Variants in ANTXR1 observed in about 807,000 individuals in gnomAD.
The protein encoded by ANTXR1 is anthrax toxin receptor 1.
Under a neutral mutation model 78.1 loss-of-function variants are expected in ANTXR1, and 19 were observed. The ratio of observed to expected loss-of-function variants is 0.24; its 90% confidence interval spans 0.17 to 0.36. ANTXR1 has a LOEUF of 0.36. Among genes scored for constraint, ANTXR1 ranks in the 10% least tolerant of loss-of-function variants. The pLI is 1.00. For missense variants in ANTXR1, 518 were observed against 718.6 expected (o/e 0.72, Z 3.19); for synonymous variants, 273 against 260.5 (o/e 1.05, Z -0.46).
chr2:69,211,425 G>C (rs1217646459), intron 17 of ANTXR1, among the ~76,000 whole-genome samples: 2 of 152,032 alleles, frequency 1.3e-5, no homozygotes, highest in East Asian at 1.9e-4. Context: ...ATCTCTCTCT[G>C]ACATAAGGGA....
chr2:69,087,348 G>T (rs1165479282), intron 8 of ANTXR1, among the ~76,000 whole-genome samples: 2 of 152,140 alleles, frequency 1.3e-5, no homozygotes, highest in African/African-American at 4.8e-5. Flanking sequence ...AGATACTATT[G>T]TTATCCCACT....
rs1207499506 is a variant in ANTXR1, at chr2:69,245,295, A to G, written c.1505A>G (p.His502Arg). The G allele has an allele frequency of 3.1e-6, 5 of 1,610,022 alleles. No individual in the cohort carries two copies. In the South Asian group the frequency reaches 5.5e-5, roughly 18 times the overall value. ...PAKYPLNNAYHTSSPPPAPIY... is the reference protein window; with the variant it reads ...PAKYPLNNAYRTSSPPPAPIY... ...AAGTACCCACTCAACAACGCCTACC[A>G]CACCTCCTCGCCGCCTCCTGCCCCC... Residue 502 changes from histidine to arginine, a missense_variant, in exon 18 of 18, where the codon CAC (histidine) becomes CGC (arginine). Around this residue, in one of 5 missense-constraint regions of ANTXR1, gnomAD observed 192 missense variants for 230.2 expected, o/e 0.83. Transcript: ENST00000303714.
At chr2:69,024,319 A>G (rs758174586) in intron 1 of ANTXR1, among the ~76,000 whole-genome samples, 2 of 152,322 alleles carry the variant, frequency 1.3e-5, no homozygotes, top group South Asian at 4.1e-4. Flanking sequence ...GAGTGTTGTA[A>G]GCCCAAGGGT....
intron 17 of ANTXR1, among the ~76,000 whole-genome samples, chr2:69,239,284 G>A (rs1326083577): frequency 6.6e-6 from 1 of 152,150 alleles, no homozygotes; most frequent in Non-Finnish European, 1.5e-5. Context: ...AAATTTTGAT[G>A]GAGGCCAGGT....
chr2:69,229,785 G>A (rs1675544294), intron 17 of ANTXR1, among the ~76,000 whole-genome samples: 1 of 147,628 alleles, frequency 6.8e-6, no homozygotes, highest in South Asian at 2.2e-4. Flanking sequence ...TAAAGTATTA[G>A]TGAGACCCAT....
chr2:69,236,406 AAAT>A (rs753415349), intron 17 of ANTXR1, among the ~76,000 whole-genome samples: 33 of 152,218 alleles, frequency 2.2e-4, no homozygotes, highest in Non-Finnish European at 4.1e-4. Context: ...TTCATCTCAC[AAAT>A]AATAAGACAG....
chr2:69,118,707 G>A (rs1672238240), intron 10 of ANTXR1, among the ~76,000 whole-genome samples: 1 of 152,200 alleles, frequency 6.6e-6, no homozygotes, highest in South Asian at 2.1e-4. Context: ...GCTGCAGCGA[G>A]GCTGGCACGG....
In ANTXR1 at chr2:69,013,798, G is replaced by C; in HGVS notation, c.152+147G>C. 7.2e-7 allele frequency: 1 copy of C among 1,390,878 alleles called. No individual in the cohort carries two copies. The highest frequency in any genetic ancestry group is 9.9e-7 in the Non-Finnish European group (1 of 1,009,272). The allele number at this position is 1,390,878 out of a possible 1,614,324, so 86.2% of individuals were successfully genotyped here. ...ACCGCGCGGCAGGCGGCGGCGGAGT[G>C]CTGCGCCTTTGTTGGGGCGCGCTCC... On this transcript the variant is annotated intron_variant, in intron 1 of 17. Transcript: ENST00000303714. The surrounding 1 kb of genome is among the most constrained non-coding windows in gnomAD (Gnocchi z 5.0).
intron 9 of ANTXR1, among the ~76,000 whole-genome samples, chr2:69,094,193 A>C (rs1422012451): frequency 6.6e-6 from 1 of 152,214 alleles, no homozygotes; most frequent in Non-Finnish European, 1.5e-5. Flanking sequence ...TAGTTCAAAG[A>C]TATAAGTATT....
intron 12 of ANTXR1, among the ~76,000 whole-genome samples, chr2:69,142,908 T>C (rs1673110291): frequency 1.3e-5 from 2 of 152,140 alleles, no homozygotes; most frequent in African/African-American, 2.4e-5. Flanking sequence ...AGTCCACGAA[T>C]AGATTCCAGG....
At chr2:69,112,116 C>T (rs1358681906) in intron 10 of ANTXR1, among the ~76,000 whole-genome samples, 1 of 152,168 alleles carries the variant, frequency 6.6e-6, no homozygotes, top group Admixed American at 6.5e-5. Flanking sequence ...GTCTCATGTT[C>T]TTCATGGGGA....
chr2:69,121,587 T>C lies in ANTXR1; in HGVS notation c.803-1430T>C, dbSNP rs1246067648. On this transcript the variant is annotated intron_variant, in intron 10 of 17. Transcript: ENST00000303714. Reference sequence around the variant, plus strand: ...TCAGGCAAGAGTTTAATGTCAGCTATATTCTGCAGTCATGACTTGCAGATA... The same window carrying C: ...TCAGGCAAGAGTTTAATGTCAGCTACATTCTGCAGTCATGACTTGCAGATA... Among the ~76,000 whole-genome samples, 3 of 152,232 alleles carry C rather than the reference T, an allele frequency of 2.0e-5. No homozygotes were observed. The East Asian group carries it at 5.8e-4, about 29-fold the overall frequency.
At chr2:69,116,590 G>A (rs1251363174) in intron 10 of ANTXR1, among the ~76,000 whole-genome samples, 2 of 151,996 alleles carry the variant, frequency 1.3e-5, no homozygotes, top group Non-Finnish European at 2.9e-5. Context: ...TAGACCCAAG[G>A]GACACTAGGA....
At chr2:69,182,882 C>T (rs1573960655) in intron 16 of ANTXR1, 1 of 600,440 alleles carries the variant, frequency 1.7e-6, no homozygotes, top group Non-Finnish European at 2.9e-6. Context: ...CCGTGGTGCT[C>T]ACTTCTGCAG....
intron 5 of ANTXR1, 47 bp downstream of exon 5, chr2:69,071,834 C>T (rs759634992): frequency 1.1e-5 from 17 of 1,569,418 alleles, no homozygotes; most frequent in East Asian, 2.2e-5. Flanking sequence ...TAACTTTTTC[C>T]GTGTTTGTTG....
chr2:69,225,726 C>T (rs1337593260), intron 17 of ANTXR1, among the ~76,000 whole-genome samples: 1 of 152,066 alleles, frequency 6.6e-6, no homozygotes, highest in Non-Finnish European at 1.5e-5. Flanking sequence ...ATGCAAACCC[C>T]CAAACTCCCT....
chr2:69,054,071 C>A (rs764885614), intron 3 of ANTXR1, among the ~76,000 whole-genome samples: 1 of 151,988 alleles, frequency 6.6e-6, no homozygotes, highest in Non-Finnish European at 1.5e-5. Flanking sequence ...TTATTATATA[C>A]CTGTAGCCTA....
intron 10 of ANTXR1, among the ~76,000 whole-genome samples, chr2:69,104,419 G>A (rs77017662): frequency 0.011 from 1,645 of 152,194 alleles, 27 homozygotes; most frequent in African/African-American, 0.038. Context: ...AGAAACATTC[G>A]GTTAGTTTTC....
At chr2:69,071,498 T>C (rs1222395655) in intron 4 of ANTXR1, among the ~76,000 whole-genome samples, 2 of 152,250 alleles carry the variant, frequency 1.3e-5, no homozygotes, top group African/African-American at 4.8e-5. Context: ...ATTATAACCT[T>C]AGGGGACCAC....
Sources: allele counts gnomAD v4.1 joint callset (sites outside exome capture counted in the v4.1 genomes callset), GRCh38; gene constraint gnomAD v4.1.1; regional missense constraint gnomAD v4.1.1; non-coding constraint Gnocchi (gnomAD v3.1); transcripts MANE v1.5; gene names NCBI Gene and HGNC (gene_info 2026-07-23, HGNC 2026-07-21).